TUSC3: variants seen among roughly 807,000 people sequenced by gnomAD.
TUSC3 encodes the protein tumor suppressor candidate 3, also known as dolichyl-diphosphooligosaccharide--protein glycosyltransferase subunit TUSC3.
Under a neutral mutation model 44.8 loss-of-function variants are expected in TUSC3, and 45 were observed. That is an observed-to-expected ratio of 1.00 (90% CI 0.79 to 1.29). TUSC3 has a LOEUF of 1.29. TUSC3 is among the 50% of genes most tolerant of loss of function. The pLI is 0.00. For synonymous variants in TUSC3, 212 were observed against 152.9 expected, an observed-to-expected ratio of 1.39 and a Z score of -2.85; for missense variants, 519 against 437.9, an observed-to-expected ratio of 1.19 and a Z score of -1.65.
chr8:15,553,425 A>AT (rs1802125788), intron 1 of TUSC3, among the ~76,000 whole-genome samples: 1 of 151,094 alleles, frequency 6.6e-6, no homozygotes, highest in African/African-American at 2.4e-5. Context: ...ATGCAGCAGA[A>AT]TTTTGGATGT....
At chr8:15,617,132 G>GTGTGTGTGTGTGTGTGTA (rs375212684) in intron 1 of TUSC3, among the ~76,000 whole-genome samples, 2 of 77,614 alleles carry the variant, frequency 2.6e-5, no homozygotes, top group Non-Finnish European at 2.9e-5. Context: ...GTGTGTGTGT[G>GTGTGTGTGTGTGTGTGTA]TATATATTTT....
the TUSC3 span, chr8:15,807,225 T>C: frequency 4.4e-6 from 3 of 681,578 alleles, no homozygotes; most frequent in Middle Eastern, 2.6e-4. Context: ...TCGCAACTAA[T>C]TACCCCACCC....
chr8:15,700,197 A>G (rs1809334461), intron 6 of TUSC3, among the ~76,000 whole-genome samples: 1 of 152,138 alleles, frequency 6.6e-6, no homozygotes, highest in Admixed American at 6.6e-5. Flanking sequence ...GACTCAGAAA[A>G]AAGTTTATCA....
chr8:15,517,391 A>C (rs1045322385), intron 2 of TUSC3, among the ~76,000 whole-genome samples: 1 of 152,038 alleles, frequency 6.6e-6, no homozygotes, highest in Non-Finnish European at 1.5e-5. Context: ...TCCCAATTAC[A>C]CACACAGACT....
At chr8:15,832,327 A>G in the TUSC3 span, among the ~76,000 whole-genome samples, 4 of 152,260 alleles carry the variant, frequency 2.6e-5, no homozygotes, top group Admixed American at 6.5e-5. Context: ...AAACAACAAA[A>G]ATACACTGAA....
intron 2 of TUSC3, among the ~76,000 whole-genome samples, chr8:15,528,169 T>C (rs1801400841): frequency 6.6e-6 from 1 of 152,142 alleles, no homozygotes; most frequent in East Asian, 1.9e-4. Context: ...CTATAAAAAA[T>C]ACTCAGCTCA....
chr8:15,744,188 G>T (rs1328233913), intron 8 of TUSC3, among the ~76,000 whole-genome samples: 1 of 152,002 alleles, frequency 6.6e-6, no homozygotes, highest in Non-Finnish European at 1.5e-5. Flanking sequence ...CAAGTTCTCC[G>T]GCATTATGTT....
intron 6 of TUSC3, among the ~76,000 whole-genome samples, chr8:15,722,994 TC>T (rs958325500): frequency 7.9e-5 from 12 of 152,128 alleles, no homozygotes; most frequent in African/African-American, 2.9e-4. Flanking sequence ...AGTACAAATT[TC>T]TCGTCCTACC....
At chr8:15,835,715 T>G in the TUSC3 span, among the ~76,000 whole-genome samples, 429 of 152,304 alleles carry the variant, frequency 2.8e-3, 10 homozygotes, top group East Asian at 0.075. Context: ...AGATACAGTC[T>G]CTACTTTCAG....
chr8:15,840,699 A>C, the TUSC3 span, among the ~76,000 whole-genome samples: 2 of 152,192 alleles, frequency 1.3e-5, no homozygotes, highest in Admixed American at 6.5e-5. Flanking sequence ...ATAGAAAAAC[A>C]CTTTTAGCCT....
Position 15,595,376 on chromosome 8 carries a change from C to T in TUSC3, c.139-27704C>T, listed in dbSNP as rs139057176. Among the ~76,000 whole-genome samples the T allele has an allele frequency of 8.0e-4, 122 of 152,178 alleles. 1 individual carries two copies. Among genetic ancestry groups the T allele is most frequent in the African/African-American group, 1.1e-3 (46 of 41,520 alleles). ...AGGTGCCTTGGTTACCTGGACTTTC[C>T]GCTCTGTTTCCATAGCTCAGGAGTC... is the stretch of plus-strand genomic sequence containing the variant. On this transcript the variant is annotated intron_variant, in intron 1 of 10. Transcript: ENST00000503731.
chr8:15,494,636 T>A (rs537886472), intron 2 of TUSC3, among the ~76,000 whole-genome samples: 2 of 152,282 alleles, frequency 1.3e-5, no homozygotes, highest in African/African-American at 4.8e-5. Context: ...CTTATCAAGA[T>A]TTCCAGCACA....
intron 2 of TUSC3, among the ~76,000 whole-genome samples, chr8:15,493,132 A>T (rs1366579794): frequency 6.6e-6 from 1 of 152,242 alleles, no homozygotes; most frequent in Non-Finnish European, 1.5e-5. Flanking sequence ...CAGAATAAGG[A>T]TGAGTGTTAT....
intron 1 of TUSC3, among the ~76,000 whole-genome samples, chr8:15,558,214 AG>A (rs1435955610): frequency 6.8e-4 from 31 of 45,262 alleles, no homozygotes; most frequent in African/African-American, 1.6e-3. Flanking sequence ...TTTAGCATGA[AG>A]GGTTGTTGAA....
At chr8:15,467,212 G>A (rs1202459022) in intron 1 of TUSC3, among the ~76,000 whole-genome samples, 1 of 149,336 alleles carries the variant, frequency 6.7e-6, no homozygotes, top group African/African-American at 2.5e-5. Context: ...GCACTACGGT[G>A]CTATTCTACT....
chr8:15,779,093 GTTTTCTT>G, the TUSC3 span, among the ~76,000 whole-genome samples: 315 of 120,548 alleles, frequency 2.6e-3, 1 homozygote, highest in Non-Finnish European at 2.5e-3. Context: ...ACCCTCGAAT[GTTTTCTT>G]TTTTTTTTTT....
intron 1 of TUSC3, among the ~76,000 whole-genome samples, chr8:15,462,362 C>A (rs1323923172): frequency 6.6e-6 from 1 of 152,028 alleles, no homozygotes; most frequent in African/African-American, 2.4e-5. Flanking sequence ...TCTGAAAAGA[C>A]ATTTCTCCAA....
intron 1 of TUSC3, among the ~76,000 whole-genome samples, chr8:15,456,663 T>A (rs1800260560): frequency 6.6e-6 from 1 of 152,044 alleles, no homozygotes; most frequent in Admixed American, 6.6e-5. Flanking sequence ...AAATGAAAAT[T>A]CAATAAATGA....
intron 1 of TUSC3, among the ~76,000 whole-genome samples, chr8:15,476,319 C>A (rs983130072): frequency 6.6e-6 from 1 of 152,054 alleles, no homozygotes; most frequent in Non-Finnish European, 1.5e-5. Context: ...GTGTTCTATT[C>A]CTCTGCGTTC....
Sources: allele counts gnomAD v4.1 joint callset (sites outside exome capture counted in the v4.1 genomes callset), GRCh38; gene constraint gnomAD v4.1.1; transcripts MANE v1.5; gene names NCBI Gene and HGNC (gene_info 2026-07-23, HGNC 2026-07-21).